The following MAP3K3 variants were observed in gnomAD, a reference collection of about 807,000 sequenced individuals.
The protein encoded by MAP3K3 is MAP/ERK kinase kinase 3.
Under a neutral mutation model 80.9 loss-of-function variants are expected in MAP3K3, and 12 were observed. That is an observed-to-expected ratio of 0.15 (90% CI 0.10 to 0.24). The LOEUF is 0.24. MAP3K3 is among the 10% of genes least tolerant of loss of function. MAP3K3 has a pLI of 1.00. For missense variants in MAP3K3, 596 were observed against 834.7 expected, an observed-to-expected ratio of 0.71 and a Z score of 3.52; for synonymous variants, 272 against 307.1, an observed-to-expected ratio of 0.89 and a Z score of 1.19.
rs61737830 is a variant in MAP3K3 at position 63,691,202 on chromosome 17, C to G, written c.1313C>G (p.Thr438Ser). The change falls in exon 13 of 16, where the codon ACC (threonine) becomes AGC (serine). Residue 438 changes from threonine (T) to serine (S), a missense_variant. Around this residue, in one of 2 missense-constraint regions of MAP3K3, gnomAD observed 364 missense variants for 588.9 expected, o/e 0.62. Transcript: ENST00000361733. This position sits in a 1 kb window ranked among gnomAD's most constrained non-coding sequence, Gnocchi z 4.8. The part of the protein sequence containing the change: ...YGCLRDRAEK[T>S]LTIFMEYMPG... ...TGTCTGCGGGACCGCGCTGAGAAGA[C>G]CCTGACCATCTTCATGGAGTACATG... 172 of 1,614,190 alleles carry G rather than the reference C, an allele frequency of 1.1e-4. No individual in the cohort carries two copies. The African/African-American group carries it at 1.9e-3, about 18-fold the overall frequency.
At position 63,692,491 on chromosome 17, in the gene MAP3K3, G is replaced by T; in HGVS notation, c.1652+72G>T. 4.7e-6 allele frequency: 7 copies of T among 1,476,794 alleles called. No homozygotes were observed. Among genetic ancestry groups the T allele is most frequent in the Non-Finnish European group, 6.3e-6 (7 of 1,103,844 alleles). 91.5% of individuals were successfully genotyped at this position (1,476,794 alleles called of 1,614,324 possible). A position where few individuals can be genotyped will look rare whatever the true frequency, so the allele number is the denominator to read the frequency against. ...TGGCCCCCCATTAGAAACACACCCT[G>T]GGGACTTTGTGGTGTGGCAGGAGGG... On this transcript the variant is annotated intron_variant, in intron 15 of 15. Coordinates refer to ENST00000361733, the MANE Select transcript of MAP3K3 (RefSeq NM_002401.5). This position sits in a 1 kb window ranked among gnomAD's most constrained non-coding sequence, Gnocchi z 4.5.
In MAP3K3 at chr17:63,689,605, C is replaced by T. The variant is rs77148458; in HGVS notation, c.933C>T (p.Ser311=). Residue 311 remains serine (S), a synonymous_variant, in exon 11 of 16, where the codon TCC becomes TCT. Coordinates refer to ENST00000361733, the MANE Select transcript of MAP3K3 (RefSeq NM_002401.5). The surrounding 1 kb of genome is among the most constrained non-coding windows in gnomAD (Gnocchi z 4.3). Reference sequence around the variant, plus strand: ...GCAACTTGTTCACCCTGGTGCCCTCCAGCCGCTCCCTGAGCACAAATGGCG... The same window carrying T: ...GCAACTTGTTCACCCTGGTGCCCTCTAGCCGCTCCCTGAGCACAAATGGCG... ...HQGNLFTLVP[S]SRSLSTNGEN... is the part of the protein sequence containing the mutation. 1,746 of 1,613,964 alleles carry T rather than the reference C, an allele frequency of 1.1e-3. 20 individuals carry two copies. In the African/African-American group the frequency reaches 0.021, roughly 19 times the overall value.
At position 63,690,026 on chromosome 17, in the gene MAP3K3, A is replaced by G. The variant is rs914410349; in HGVS notation, c.1064-238A>G. The G allele has an allele frequency of 1.4e-5, 8 of 580,032 alleles. No homozygotes were observed. The Admixed American group carries it at 1.9e-4, about 14-fold the overall frequency. The allele number at this position is 580,032 out of a possible 1,614,324, so 35.9% of individuals were successfully genotyped here. Reference sequence around the variant, plus strand: ...GCTTTGGAAGGAAATGCATTTGATCAATGCAGAAGAGCATTTAACCATGAC... The same window carrying G: ...GCTTTGGAAGGAAATGCATTTGATCGATGCAGAAGAGCATTTAACCATGAC... On this transcript the variant is annotated intron_variant, in intron 11 of 15. Coordinates refer to ENST00000361733, the MANE Select transcript of MAP3K3 (RefSeq NM_002401.5).
chr17:63,637,129 G>T (rs752865397), intron 2 of MAP3K3: 4 of 327,758 alleles, frequency 1.2e-5, no homozygotes, highest in Admixed American at 3.7e-5. Context: ...TAGAGTGTGT[G>T]TGCGTGCATG....
intron 7 of MAP3K3, 84 bp downstream of exon 7, chr17:63,681,983 C>A: frequency 8.3e-7 from 1 of 1,207,750 alleles, no homozygotes; most frequent in Non-Finnish European, 1.1e-6. Flanking sequence ...AGTCACAGTG[C>A]AGAACTGAGG....
intron 4 of MAP3K3, among the ~76,000 whole-genome samples, chr17:63,655,033 G>A (rs1174546151): frequency 6.6e-6 from 1 of 151,446 alleles, no homozygotes; most frequent in Non-Finnish European, 1.5e-5. Context: ...CTCAAAAAAC[G>A]ATTAAAAAAA....
In MAP3K3 at chr17:63,689,166, G is replaced by A. The variant is rs943221422; in HGVS notation, c.871+285G>A. ...CCTCTTCTGCCCCACAGCAGCAGGT[G>A]GCCTGGGCCCTGTAGAGGGGTAAGG... On this transcript the variant is annotated intron_variant, in intron 10 of 15. Transcript: ENST00000361733. This position sits in a 1 kb window ranked among gnomAD's most constrained non-coding sequence, Gnocchi z 4.3. 1.4e-5 allele frequency: 8 copies of A among 562,950 alleles called. No homozygotes were observed. In the African/African-American group the frequency reaches 1.5e-4, roughly 11 times the overall value. The allele number at this position is 562,950 out of a possible 1,614,324, so 34.9% of individuals were successfully genotyped here. A position where few individuals can be genotyped will look rare whatever the true frequency, so the allele number is the denominator to read the frequency against.
intron 5 of MAP3K3, among the ~76,000 whole-genome samples, chr17:63,662,798 C>T (rs1228581113): frequency 6.6e-6 from 1 of 151,708 alleles, no homozygotes; most frequent in African/African-American, 2.4e-5. Context: ...GCTGGGATTA[C>T]AGGCGTGCGC....
At chr17:63,634,748 C>T in intron 2 of MAP3K3, 2 of 1,614,026 alleles carry the variant, frequency 1.2e-6, no homozygotes, top group South Asian at 2.2e-5. Flanking sequence ...TCTGAACAGC[C>T]CCACAGTAAC....
chr17:63,664,901 A>T (rs919063954), intron 5 of MAP3K3, among the ~76,000 whole-genome samples: 1 of 151,974 alleles, frequency 6.6e-6, no homozygotes, highest in African/African-American at 2.4e-5. Context: ...TTACCATACC[A>T]TTCCCTTTTG....
chr17:63,659,777 C>T (rs746218252), intron 5 of MAP3K3, among the ~76,000 whole-genome samples: 2 of 152,014 alleles, frequency 1.3e-5, no homozygotes, highest in Non-Finnish European at 2.9e-5. Flanking sequence ...GTGATCCGCC[C>T]GCCTTGGCCT....
intron 2 of MAP3K3, among the ~76,000 whole-genome samples, chr17:63,635,330 A>G (rs776556773): frequency 3.9e-5 from 6 of 152,228 alleles, no homozygotes; most frequent in South Asian, 2.1e-4. Flanking sequence ...ATCCTACCTA[A>G]GATTTCTGTT....
intron 8 of MAP3K3, among the ~76,000 whole-genome samples, chr17:63,687,138 C>T (rs961880865): frequency 3.3e-5 from 5 of 150,380 alleles, no homozygotes; most frequent in Non-Finnish European, 5.9e-5. Context: ...AGCTGAGGCA[C>T]GCGGATCACC....
chr17:63,668,060 A>C (rs899600436), intron 6 of MAP3K3: 1 of 151,708 alleles, frequency 6.6e-6, no homozygotes, highest in Non-Finnish European at 1.5e-5. Flanking sequence ...ATCTGGTCTT[A>C]TCAAACATCG....
At chr17:63,683,139 C>T (rs1260272914) in intron 7 of MAP3K3, among the ~76,000 whole-genome samples, 1 of 152,200 alleles carries the variant, frequency 6.6e-6, no homozygotes, top group African/African-American at 2.4e-5. Context: ...GGAAAATGTC[C>T]AACAGAAGGG....
chr17:63,682,861 C>A (rs542432112), intron 7 of MAP3K3: 1 of 152,260 alleles, frequency 6.6e-6, no homozygotes, highest in African/African-American at 2.4e-5. Context: ...GTTCTACTTG[C>A]ACTAAAGGGA....
intron 2 of MAP3K3, 64 bp downstream of exon 2, chr17:63,632,866 T>C (rs765141594): frequency 1.4e-5 from 22 of 1,602,934 alleles, no homozygotes; most frequent in Non-Finnish European, 1.7e-5. Context: ...ATGGGAAATA[T>C]ACGAAAAGCC....
intron 6 of MAP3K3, among the ~76,000 whole-genome samples, chr17:63,680,452 C>T (rs1024973481): frequency 5.3e-5 from 8 of 152,144 alleles, no homozygotes; most frequent in Non-Finnish European, 1.0e-4. Context: ...TTTAAACCTT[C>T]TGAAAATTGG....
intron 6 of MAP3K3, among the ~76,000 whole-genome samples, chr17:63,676,031 G>C (rs896619281): frequency 6.6e-6 from 1 of 152,150 alleles, no homozygotes; most frequent in East Asian, 1.9e-4. Context: ...AAATGCCCTG[G>C]AGCAGTTCTG....
Sources: gnomAD v4.1 joint callset for allele counts (sites outside exome capture counted in the v4.1 genomes callset) on GRCh38, gnomAD v4.1.1 for gene constraint, gnomAD v4.1.1 regional missense constraint, Gnocchi (gnomAD v3.1) non-coding constraint, MANE v1.5 for transcripts, NCBI Gene and HGNC (gene_info 2026-07-23, HGNC 2026-07-21) for gene names.